TRIM24: variants seen among roughly 807,000 people sequenced by gnomAD.
TRIM24 encodes transcription intermediary factor 1-alpha.
In TRIM24, 29 loss-of-function variants were observed where a neutral mutation model predicts 123.9. The observed-to-expected ratio is 0.23, with a 90% CI of 0.17 to 0.32. TRIM24 has a LOEUF of 0.32. Among genes scored for constraint, TRIM24 ranks in the 10% least tolerant of loss-of-function variants. The pLI, the probability that TRIM24 is intolerant of heterozygous loss-of-function variation, is 1.00. For synonymous variants in TRIM24, 456 were observed against 461.1 expected, an observed-to-expected ratio of 0.99 and a Z score of 0.14; for missense variants, 932 against 1,295.3, an observed-to-expected ratio of 0.72 and a Z score of 4.31.
chr7:138,570,743 C>A, intron 10 of TRIM24, 87 bp from the exon 11 acceptor site: 1 of 1,345,272 alleles, frequency 7.4e-7, no homozygotes, highest in Non-Finnish European at 1.0e-6. Context: ...TTGAACTCTT[C>A]TACTTCATTT....
In TRIM24 at chr7:138,508,718, TGC is replaced by T. The variant is rs1554436684; in HGVS notation, c.483+4312_483+4313del. On this transcript the variant is annotated intron_variant, in intron 2 of 18. Coordinates refer to ENST00000343526, the MANE Select transcript of TRIM24 (RefSeq NM_015905.3). Reference sequence around the variant, plus strand: ...GCGCGCGCGTGTGTGCGTGTGTGTGTGCGTGTGTGTGTGTGTGTGTGTGTGTG... The same window carrying T: ...GCGCGCGCGTGTGTGCGTGTGTGTGTGTGTGTGTGTGTGTGTGTGTGTGTG... Among the ~76,000 whole-genome samples, 328 of 133,920 alleles carry T rather than the reference TGC, an allele frequency of 2.4e-3. 1 individual carries two copies. The highest frequency in any genetic ancestry group is 5.0e-3 in the Admixed American group (68 of 13,616). 87.9% of individuals were successfully genotyped at this position (133,920 alleles called of 152,430 possible).
At chr7:138,462,960 C>T (rs916215976) in intron 1 of TRIM24, among the ~76,000 whole-genome samples, 1 of 150,630 alleles carries the variant, frequency 6.6e-6, no homozygotes, top group African/African-American at 2.4e-5. Flanking sequence ...ACCTCTGCCT[C>T]CTAGGTTCAA....
In TRIM24 at chr7:138,586,684, C is replaced by T. The variant is rs1000072230; in HGVS notation, c.*1733C>T. 1 of 152,210 alleles carries T rather than the reference C, an allele frequency of 6.6e-6. No homozygotes were observed. Among genetic ancestry groups the T allele is most frequent in the Non-Finnish European group, 1.5e-5 (1 of 68,028 alleles). The allele number at this position is 152,210 out of a possible 1,614,324, so 9.4% of individuals were successfully genotyped here. On this transcript the variant is annotated 3_prime_UTR_variant, in exon 19 of 19. Transcript: ENST00000343526. ...GTTTGAACAGATTTTGATAACAGTG[C>T]ATACACCTTTTGTCTTTTTTTGCTC...
chr7:138,558,707 T>C (rs571913172), intron 9 of TRIM24, among the ~76,000 whole-genome samples: 133 of 152,376 alleles, frequency 8.7e-4, no homozygotes, highest in African/African-American at 3.0e-3. Context: ...AGTTTACTTT[T>C]TGACCTTTGA....
intron 1 of TRIM24, among the ~76,000 whole-genome samples, chr7:138,466,463 CTTTTTTTT>C (rs577317171): frequency 4.1e-5 from 3 of 74,064 alleles, no homozygotes; most frequent in East Asian, 3.7e-4. Flanking sequence ...ACTTAAGTTG[CTTTTTTTT>C]TTTTTTTTTT....
At chr7:138,551,272 C>A in intron 8 of TRIM24, 92 bp downstream of exon 8, 3 of 1,147,426 alleles carry the variant, frequency 2.6e-6, no homozygotes, top group Non-Finnish European at 3.9e-6. Context: ...TTCACTTAGG[C>A]TGGGCACGGT....
In TRIM24 at chr7:138,554,936, G is replaced by A; in HGVS notation, c.1500G>A (p.Gly500=). The change falls in exon 9 of 19, where the codon GGG becomes GGA. Residue 500 remains glycine, a synonymous_variant. Transcript: ENST00000343526. This position sits in a 1 kb window ranked among gnomAD's most constrained non-coding sequence, Gnocchi z 4.5. The part of the protein sequence containing the change: ...PVGLPNPRMQ[G]PIQQPSISHQ... Reference sequence around the variant, plus strand: ...GTTTACCAAACCCTAGAATGCAGGGGCCCATCCAGCAACCTTCCATCTCTC... The same window carrying A: ...GTTTACCAAACCCTAGAATGCAGGGACCCATCCAGCAACCTTCCATCTCTC... 2 of 1,614,130 alleles carry A rather than the reference G, an allele frequency of 1.2e-6. No individual in the cohort carries two copies. The highest frequency in any genetic ancestry group is 1.3e-5 in the African/African-American group (1 of 75,040).
intron 1 of TRIM24, among the ~76,000 whole-genome samples, chr7:138,475,908 G>A (rs534009745): frequency 1.6e-4 from 24 of 152,190 alleles, no homozygotes; most frequent in Non-Finnish European, 2.4e-4. Flanking sequence ...AATAAAAAGG[G>A]GTTATTATAG....
intron 2 of TRIM24, chr7:138,514,458 C>G (rs1563041423): frequency 6.6e-6 from 1 of 152,222 alleles, no homozygotes; most frequent in African/African-American, 2.4e-5. Flanking sequence ...GCTTCTTTTG[C>G]CAGTCTTCCC....
Position 138,581,778 on chromosome 7 carries a change from A to G in TRIM24, c.2793+7A>G. 2.5e-6 allele frequency: 4 copies of G among 1,606,072 alleles called. No individual in the cohort carries two copies. The highest frequency in any genetic ancestry group is 3.4e-6 in the Non-Finnish European group (4 of 1,173,892). ...AGACCCTGTTCCTCTAACTGTAAGTATTAATGTCATTTTCTGCATGTTTAC... is the reference window on the plus strand; with the variant it reads ...AGACCCTGTTCCTCTAACTGTAAGTGTTAATGTCATTTTCTGCATGTTTAC... On this transcript the variant is annotated splice_region_variant and intron_variant, in intron 17 of 18. Coordinates refer to ENST00000343526, the MANE Select transcript of TRIM24 (RefSeq NM_015905.3).
chr7:138,585,151 TGAATAGAA>T lies in TRIM24; in HGVS notation c.*204_*211del, dbSNP rs755518984. The T allele has an allele frequency of 2.3e-3, 906 of 394,420 alleles. 3 individuals carry two copies. The highest frequency in any genetic ancestry group is 2.7e-3 in the Non-Finnish European group (602 of 224,816). 24.4% of individuals were successfully genotyped at this position (394,420 alleles called of 1,614,324 possible). A position where few individuals can be genotyped will look rare whatever the true frequency, so the allele number is the denominator to read the frequency against. On this transcript the variant is annotated 3_prime_UTR_variant, in exon 19 of 19. Coordinates refer to ENST00000343526, the MANE Select transcript of TRIM24 (RefSeq NM_015905.3). ...CTAAGAAAGAAAGGAAAGAAGGAGA[TGAATAGAA>T]GAAAGAAAATGGAAAGAAGGAAAAA...
At chr7:138,493,479 G>A (rs1341703572) in intron 1 of TRIM24, among the ~76,000 whole-genome samples, 1 of 152,180 alleles carries the variant, frequency 6.6e-6, no homozygotes, top group Non-Finnish European at 1.5e-5. Flanking sequence ...TGTTATGTAT[G>A]TTACTGAAGT....
At chr7:138,466,606 G>A (rs12112230) in intron 1 of TRIM24, among the ~76,000 whole-genome samples, 1,981 of 151,198 alleles carry the variant, frequency 0.013, 40 homozygotes, top group African/African-American at 0.046. Flanking sequence ...CACCCATCTC[G>A]TCTCCCAAAG....
At chr7:138,562,885 G>A (rs1308757930) in intron 9 of TRIM24, among the ~76,000 whole-genome samples, 1 of 152,114 alleles carries the variant, frequency 6.6e-6, no homozygotes, top group Non-Finnish European at 1.5e-5. Flanking sequence ...TAGCCCAAAA[G>A]CAATCTGTGC....
chr7:138,493,519 C>G (rs938544548), intron 1 of TRIM24, among the ~76,000 whole-genome samples: 1 of 152,164 alleles, frequency 6.6e-6, no homozygotes, highest in African/African-American at 2.4e-5. Context: ...TATCTGCTTG[C>G]AGCCTCTCAT....
intron 9 of TRIM24, among the ~76,000 whole-genome samples, chr7:138,562,141 G>T (rs1797440227): frequency 6.6e-6 from 1 of 152,120 alleles, no homozygotes; most frequent in Non-Finnish European, 1.5e-5. Flanking sequence ...AGTCTTCTTG[G>T]GTTGGGGCTG....
At chr7:138,552,083 G>A (rs770432220) in intron 8 of TRIM24, among the ~76,000 whole-genome samples, 22 of 151,248 alleles carry the variant, frequency 1.5e-4, no homozygotes, top group Non-Finnish European at 2.8e-4. Flanking sequence ...ACTTACCATC[G>A]TTTACAGTTG....
In TRIM24 at chr7:138,490,269, T is replaced by A. The variant is rs563931773; in HGVS notation, c.365-14021T>A. Among the ~76,000 whole-genome samples, 93 of 152,282 alleles carry A rather than the reference T, an allele frequency of 6.1e-4. 2 individuals carry two copies. In the South Asian group the frequency reaches 8.5e-3, roughly 14 times the overall value. On this transcript the variant is annotated intron_variant, in intron 1 of 18. Coordinates refer to ENST00000343526, the MANE Select transcript of TRIM24 (RefSeq NM_015905.3). ...CATTCGTCTAATCTTTTTTCAAGGT[T>A]TTTAGCTTCCTTGTGATGGGTTTGA...
At chr7:138,551,486 GA>G (rs1177778756) in intron 8 of TRIM24, among the ~76,000 whole-genome samples, 1 of 152,150 alleles carries the variant, frequency 6.6e-6, no homozygotes, top group Admixed American at 6.5e-5. Context: ...CTCTCACTTT[GA>G]AAACGTTTTC....
Sources: allele counts gnomAD v4.1 joint callset (sites outside exome capture counted in the v4.1 genomes callset), GRCh38; gene constraint gnomAD v4.1.1; non-coding constraint Gnocchi (gnomAD v3.1); transcripts MANE v1.5; gene names NCBI Gene and HGNC (gene_info 2026-07-23, HGNC 2026-07-21).